Variants in CAST observed in about 807,000 individuals in gnomAD.
CAST encodes MIR583 host.
A neutral mutation model predicts 119.6 loss-of-function variants in CAST; 76 were observed. That is an observed-to-expected ratio of 0.64 (90% CI 0.53 to 0.77). The LOEUF is 0.77. CAST is among the 30% of genes least tolerant of loss of function. The probability of loss-of-function intolerance (pLI) is 0.00; values close to 1 mark genes in which losing one functional copy is unlikely to be tolerated. For missense variants in CAST, 953 were observed against 946.5 expected, an observed-to-expected ratio of 1.01 and a Z score of -0.09; for synonymous variants, 319 against 331.6, an observed-to-expected ratio of 0.96 and a Z score of 0.41.
At chr5:96,620,554 T>C (rs917506733) in intron 1 of CAST, among the ~76,000 whole-genome samples, 1 of 152,180 alleles carries the variant, frequency 6.6e-6, no homozygotes, top group Admixed American at 6.5e-5. Context: ...TGTAGGCTAA[T>C]GTAAGTTCTG....
the CAST span, among the ~76,000 whole-genome samples, chr5:96,203,780 T>C: frequency 5.9e-5 from 9 of 152,100 alleles, no homozygotes; most frequent in African/African-American, 1.7e-4. Context: ...TCTGTGAATA[T>C]ATCAGATGAA....
At chr5:96,468,487 G>T in the CAST span, among the ~76,000 whole-genome samples, 1 of 151,780 alleles carries the variant, frequency 6.6e-6, no homozygotes, top group African/African-American at 2.4e-5. Context: ...CCCAAGAAGC[G>T]TTAGCCTTAG....
At chr5:96,601,361 C>T (rs80097589) in intron 1 of CAST, among the ~76,000 whole-genome samples, 3,345 of 152,258 alleles carry the variant, frequency 0.022, 127 homozygotes, top group African/African-American at 0.068. Flanking sequence ...GCATGTGCTG[C>T]CTGATTGACT....
At chr5:96,533,240 A>C (rs1024079540) in intron 1 of CAST, among the ~76,000 whole-genome samples, 1 of 152,176 alleles carries the variant, frequency 6.6e-6, no homozygotes, top group Non-Finnish European at 1.5e-5. Flanking sequence ...CTAACATATA[A>C]ATTTTGTGCT....
intron 1 of CAST, among the ~76,000 whole-genome samples, chr5:96,541,695 T>C (rs1745916407): frequency 6.6e-6 from 1 of 152,240 alleles, no homozygotes; most frequent in Admixed American, 6.5e-5. Context: ...TTTTCCAGAA[T>C]GTCACATAAT....
At chr5:96,569,866 T>G (rs1746541299) in intron 1 of CAST, among the ~76,000 whole-genome samples, 1 of 152,226 alleles carries the variant, frequency 6.6e-6, no homozygotes, top group Non-Finnish European at 1.5e-5. Context: ...ACATTTCTCC[T>G]GTGAGTCAGT....
chr5:96,357,877 A>G, the CAST span, among the ~76,000 whole-genome samples: 2 of 152,152 alleles, frequency 1.3e-5, no homozygotes, highest in East Asian at 3.9e-4. Flanking sequence ...CTCTTTTGCT[A>G]TTGTTTGGAA....
At chr5:96,359,521 A>G in the CAST span, among the ~76,000 whole-genome samples, 1 of 151,760 alleles carries the variant, frequency 6.6e-6, no homozygotes, top group African/African-American at 2.4e-5. Context: ...CTTGTAAGGC[A>G]GGCCTGGTGG....
the CAST span, among the ~76,000 whole-genome samples, chr5:96,204,795 C>T: frequency 6.6e-6 from 1 of 151,818 alleles, no homozygotes; most frequent in Admixed American, 6.6e-5. Flanking sequence ...AGTGGTAATA[C>T]CATATCAGGA....
At chr5:96,563,488 G>A (rs745996744) in intron 1 of CAST, among the ~76,000 whole-genome samples, 3 of 151,960 alleles carry the variant, frequency 2.0e-5, no homozygotes, top group Non-Finnish European at 4.4e-5. Flanking sequence ...TAAGATATAC[G>A]CTTCAGATTC....
the CAST span, among the ~76,000 whole-genome samples, chr5:96,243,842 T>C: frequency 1.3e-5 from 2 of 152,202 alleles, no homozygotes; most frequent in African/African-American, 4.8e-5. Flanking sequence ...CAGTATCACA[T>C]GAGGTACCCC....
At chr5:96,375,438 T>TGTG in the CAST span, among the ~76,000 whole-genome samples, 4 of 150,776 alleles carry the variant, frequency 2.7e-5, no homozygotes, top group African/African-American at 9.7e-5. Context: ...GTGTGTGTGT[T>TGTG]TTTTTTACTA....
chr5:96,232,938 A>G, the CAST span, among the ~76,000 whole-genome samples: 1 of 152,076 alleles, frequency 6.6e-6, no homozygotes, highest in Non-Finnish European at 1.5e-5. Context: ...AAAACACAGT[A>G]CTATATTTTA....
At chr5:96,198,336 C>T in the CAST span, among the ~76,000 whole-genome samples, 1 of 152,216 alleles carries the variant, frequency 6.6e-6, no homozygotes, top group East Asian at 1.9e-4. Context: ...AAGAAATATG[C>T]CCTTTCCCTT....
At chr5:95,980,775 G>T in the CAST span, among the ~76,000 whole-genome samples, 1,433 of 152,126 alleles carry the variant, frequency 9.4e-3, 157 homozygotes, top group East Asian at 0.23. Context: ...GGCAGAGAAG[G>T]CATGTCAGGC....
the CAST span, among the ~76,000 whole-genome samples, chr5:96,444,899 A>G: frequency 2.6e-5 from 4 of 152,216 alleles, no homozygotes; most frequent in African/African-American, 9.7e-5. Context: ...TGAGAGCGAG[A>G]AAAGAAAATC....
chr5:96,632,769 G>A (rs1028567184), intron 1 of CAST, among the ~76,000 whole-genome samples: 5 of 152,088 alleles, frequency 3.3e-5, no homozygotes, highest in Admixed American at 3.3e-4. Flanking sequence ...GTGTGGACTC[G>A]CAGTTCTATT....
chr5:96,599,148 T>C (rs1747101960), intron 1 of CAST, among the ~76,000 whole-genome samples: 1 of 152,230 alleles, frequency 6.6e-6, no homozygotes, highest in Non-Finnish European at 1.5e-5. Flanking sequence ...TTTGTGAGAC[T>C]TTTAGAGTAT....
chr5:96,538,546 T>G (rs544666818), intron 1 of CAST, among the ~76,000 whole-genome samples: 10 of 152,322 alleles, frequency 6.6e-5, no homozygotes, highest in East Asian at 3.9e-4. Context: ...TATTAAACTT[T>G]GGAACATCTC....
Sources: gnomAD v4.1 joint callset for allele counts (sites outside exome capture counted in the v4.1 genomes callset) on GRCh38, gnomAD v4.1.1 for gene constraint, MANE v1.5 for transcripts, NCBI Gene and HGNC (gene_info 2026-07-23, HGNC 2026-07-21) for gene names.